ALDH7A1: variants seen among roughly 807,000 people sequenced by gnomAD.
ALDH7A1 encodes the protein alpha-aminoadipic semialdehyde dehydrogenase.
ALDH7A1 carries 63 observed loss-of-function variants against 79.9 expected under a neutral mutation model. The ratio of observed to expected loss-of-function variants is 0.79; its 90% CI spans 0.64 to 0.97. ALDH7A1 has a LOEUF of 0.97. Among genes scored for constraint, ALDH7A1 ranks in the 50% least tolerant of loss-of-function variants. The pLI is 0.00. For missense variants in ALDH7A1, 627 were observed against 665.2 expected (o/e 0.94, Z 0.63); for synonymous variants, 240 against 231.2 (o/e 1.04, Z -0.34).
chr5:126,593,776 G>T, intron 1 of ALDH7A1: 1 of 341,934 alleles, frequency 2.9e-6, no homozygotes, highest in Non-Finnish European at 5.5e-6. Flanking sequence ...AAATGGCCAA[G>T]GCAGGAAAAC....
chr5:126,580,598 A>T (rs933632146), intron 5 of ALDH7A1, among the ~76,000 whole-genome samples: 1 of 147,998 alleles, frequency 6.8e-6, no homozygotes, highest in Admixed American at 6.7e-5. Context: ...ATGATTTTTT[A>T]AAAAATATTA....
chr5:126,563,140 T>A (rs1349875194), intron 9 of ALDH7A1, among the ~76,000 whole-genome samples: 1 of 152,316 alleles, frequency 6.6e-6, no homozygotes, highest in Non-Finnish European at 1.5e-5. Context: ...TTGTGTGGAC[T>A]TTCCCCCACA....
In ALDH7A1 at chr5:126,577,228, G is replaced by T. The variant is rs1315101168; in HGVS notation, c.518-17C>A. On this transcript the variant is annotated splice_polypyrimidine_tract_variant and intron_variant, in intron 5 of 17. Coordinates refer to ENST00000409134, the MANE Select transcript of ALDH7A1 (RefSeq NM_001182.5). ...GGCCAGATCCTGAGGACAGAAAAAG[G>T]ATGGAACATGCAGAAGCATGTTAAT... 1.9e-6 allele frequency: 3 copies of T among 1,613,896 alleles called. No homozygotes were observed. Among genetic ancestry groups the T allele is most frequent in the Admixed American group, 1.7e-5 (1 of 59,946 alleles).
At chr5:126,575,291 G>C in intron 7 of ALDH7A1, 129 bp downstream of exon 7, 1 of 786,934 alleles carries the variant, frequency 1.3e-6, no homozygotes, top group East Asian at 2.8e-5. Context: ...AATATTACAA[G>C]CAAAGGAGAA....
intron 2 of ALDH7A1, 104 bp downstream of exon 2, chr5:126,593,247 C>T (rs770352508): frequency 7.2e-6 from 11 of 1,522,128 alleles, no homozygotes; most frequent in Non-Finnish European, 9.8e-6. Flanking sequence ...TCTTGACCTG[C>T]CTAACTGGCT....
intron 7 of ALDH7A1, 139 bp from the exon 8 acceptor site, chr5:126,570,998 G>T (rs1750750676): frequency 2.5e-6 from 2 of 803,268 alleles, no homozygotes; most frequent in African/African-American, 3.4e-5. Context: ...TGCTTTTTCA[G>T]CCCACTTTTC....
chr5:126,548,429 T>TC lies in ALDH7A1; in HGVS notation c.1489+1499_1489+1500insG, dbSNP rs201739209. ...CACCATGCCCAGCCCAAAACTTTTT[T>TC]TTTTTTTTTGCGGGGGAAGACAGGG... On this transcript the variant is annotated intron_variant, in intron 16 of 17. Transcript: ENST00000409134. 7.5e-3 allele frequency among the ~76,000 whole-genome samples: 1,140 copies of TC among 151,204 alleles called. 18 individuals carry two copies. Among genetic ancestry groups the TC allele is most frequent in the African/African-American group, 0.026 (1,088 of 41,144 alleles).
Position 126,554,304 on chromosome 5 carries a change from C to T in ALDH7A1, c.1183G>A (p.Val395Met), listed in dbSNP as rs373304485. 6.2e-7 allele frequency: 1 copy of T among 1,613,972 alleles called. No homozygotes were observed. Among genetic ancestry groups the T allele is most frequent in the Non-Finnish European group, 8.5e-7 (1 of 1,180,022 alleles). ...VEEAKKEGGT[V>M]VYGGKVMDRP... ...TCCCTTACCTTGCCCCCATAGACCA[C>T]TGTGCCACCTTCTTTCTTTGCTTCT... Residue 395 changes from valine to methionine, a missense_variant, in exon 13 of 18, where the codon GTG (valine) becomes ATG (methionine). By Grantham distance (21) the Val-to-Met change is conservative. Transcript: ENST00000409134.
chr5:126,587,289 T>A (rs1251588509), intron 3 of ALDH7A1: 1 of 152,158 alleles, frequency 6.6e-6, no homozygotes, highest in Non-Finnish European at 1.5e-5. Flanking sequence ...AAACTACCTT[T>A]CCATATGTTT....
Position 126,593,343 on chromosome 5 carries a change from A to ACT in ALDH7A1, c.246+6_246+7dup, listed in dbSNP as rs1554101757. On this transcript the variant is annotated splice_region_variant and intron_variant, in intron 2 of 17. Coordinates refer to ENST00000409134, the MANE Select transcript of ALDH7A1 (RefSeq NM_001182.5). ...CACACACACACACACACACACACAC[A>ACT]CTCTTACCTGTCGGACTCTTGCTAT... is the stretch of plus-strand genomic sequence containing the variant. 2 of 1,608,164 alleles carry ACT rather than the reference A, an allele frequency of 1.2e-6. No homozygotes were observed. Among genetic ancestry groups the ACT allele is most frequent in the Non-Finnish European group, 8.5e-7 (1 of 1,179,020 alleles).
chr5:126,595,213 T>C lies in ALDH7A1; in HGVS notation c.-15A>G. On this transcript the variant is annotated 5_prime_UTR_variant, in exon 1 of 18. Coordinates refer to ENST00000409134, the MANE Select transcript of ALDH7A1 (RefSeq NM_001182.5). ...AGGCGCCACATACTGAGCCCGGGACTCGGGATGAGCCCAAGGCCCTGAGAG... is the reference window on the plus strand; with the variant it reads ...AGGCGCCACATACTGAGCCCGGGACCCGGGATGAGCCCAAGGCCCTGAGAG... 1 of 1,551,624 alleles carries C rather than the reference T, an allele frequency of 6.4e-7. No homozygotes were observed. Among genetic ancestry groups the C allele is most frequent in the Non-Finnish European group, 8.7e-7 (1 of 1,146,966 alleles).
intron 3 of ALDH7A1, among the ~76,000 whole-genome samples, chr5:126,590,741 G>A (rs1437268208): frequency 6.6e-6 from 1 of 152,076 alleles, no homozygotes; most frequent in Non-Finnish European, 1.5e-5. Context: ...AAAAAAATTA[G>A]CCAGGCATGG....
At chr5:126,572,221 T>C (rs931031304) in intron 7 of ALDH7A1, among the ~76,000 whole-genome samples, 2 of 152,172 alleles carry the variant, frequency 1.3e-5, no homozygotes, top group African/African-American at 4.8e-5. Flanking sequence ...AAAGGTATCA[T>C]TATCACACCT....
rs148451282 is a variant in ALDH7A1 at position 126,553,609 on chromosome 5, G to A, written c.1200+678C>T. 1.7e-3 allele frequency among the ~76,000 whole-genome samples: 255 copies of A among 152,254 alleles called. 6 individuals carry two copies. The East Asian group carries it at 0.037, about 22-fold the overall frequency. On this transcript the variant is annotated intron_variant, in intron 13 of 17. Transcript: ENST00000409134. ...TGCCTGTAATCCCAGCTACTCGGGA[G>A]GCTGAGACAGGAGAATCGCTTGAAC...
chr5:126,590,731 A>G (rs533689700), intron 3 of ALDH7A1, among the ~76,000 whole-genome samples: 229 of 152,108 alleles, frequency 1.5e-3, no homozygotes, highest in African/African-American at 5.3e-3. Context: ...CAAAAAATAC[A>G]AAAAAATTAG....
intron 16 of ALDH7A1, among the ~76,000 whole-genome samples, chr5:126,548,183 T>C (rs915461882): frequency 2.0e-5 from 3 of 152,216 alleles, no homozygotes; most frequent in African/African-American, 7.2e-5. Context: ...TCACACTCAC[T>C]CTGTCACCCA....
chr5:126,572,531 G>C (rs1750810817), intron 7 of ALDH7A1, among the ~76,000 whole-genome samples: 1 of 152,204 alleles, frequency 6.6e-6, no homozygotes, highest in Admixed American at 6.5e-5. Flanking sequence ...GTGTCAGAGT[G>C]TCATCAATGT....
At chr5:126,573,780 T>C (rs1403269229) in intron 7 of ALDH7A1, among the ~76,000 whole-genome samples, 1 of 150,282 alleles carries the variant, frequency 6.7e-6, no homozygotes. Flanking sequence ...GGCAGGACAA[T>C]CGCTTGAACC....
intron 16 of ALDH7A1, among the ~76,000 whole-genome samples, chr5:126,547,695 G>A (rs944230121): frequency 2.6e-5 from 4 of 152,204 alleles, no homozygotes; most frequent in Non-Finnish European, 4.4e-5. Context: ...AGACAGCAGT[G>A]AAAGCACACT....
Sources: gnomAD v4.1 joint callset for allele counts (sites outside exome capture counted in the v4.1 genomes callset) on GRCh38, gnomAD v4.1.1 for gene constraint, MANE v1.5 for transcripts, NCBI Gene and HGNC (gene_info 2026-07-23, HGNC 2026-07-21) for gene names.